The following CELF4 variants were observed in gnomAD, a reference collection of about 807,000 sequenced individuals.
CELF4 encodes the protein CUGBP Elav-like family member 4, also known as CUG-BP- and ETR-3-like factor 4.
In CELF4, 18 loss-of-function variants were observed where a neutral mutation model predicts 59.9. That is an observed-to-expected ratio of 0.30 (90% CI 0.21 to 0.45). CELF4 has a LOEUF of 0.45. Among genes scored for constraint, CELF4 ranks in the 20% least tolerant of loss-of-function variants. CELF4 has a pLI of 1.00. For synonymous variants in CELF4, 261 were observed against 267.1 expected (o/e 0.98, Z 0.22); for missense variants, 456 against 689.0 (o/e 0.66, Z 3.79).
intron 1 of CELF4, among the ~76,000 whole-genome samples, chr18:37,562,889 G>C (rs1215912355): frequency 6.6e-6 from 1 of 152,104 alleles, no homozygotes; most frequent in Non-Finnish European, 1.5e-5. Context: ...AAGTTTCACT[G>C]GGAAAAATAT....
At chr18:37,367,235 A>G (rs1038814275) in intron 2 of CELF4, among the ~76,000 whole-genome samples, 1 of 151,822 alleles carries the variant, frequency 6.6e-6, no homozygotes, top group Admixed American at 6.6e-5. Context: ...GTGTGACGAG[A>G]GAGTTGGAGA....
intron 12 of CELF4, among the ~76,000 whole-genome samples, chr18:37,248,163 C>T (rs1037877265): frequency 1.3e-5 from 2 of 152,312 alleles, no homozygotes; most frequent in East Asian, 3.9e-4. Context: ...GGCCCTCCCC[C>T]GTTTCTGCTC....
chr18:37,384,847 C>T (rs1363095890), intron 2 of CELF4, among the ~76,000 whole-genome samples: 1 of 152,188 alleles, frequency 6.6e-6, no homozygotes, highest in Non-Finnish European at 1.5e-5. Context: ...ACACAGGTCA[C>T]CCAGTGAGGT....
intron 2 of CELF4, among the ~76,000 whole-genome samples, chr18:37,331,654 C>A (rs551208911): frequency 6.6e-5 from 10 of 151,898 alleles, no homozygotes; most frequent in Non-Finnish European, 1.0e-4. Flanking sequence ...ATGCTCCAGA[C>A]CTTCTGTTGA....
At chr18:37,427,758 G>C (rs1487093541) in intron 2 of CELF4, among the ~76,000 whole-genome samples, 6 of 152,166 alleles carry the variant, frequency 3.9e-5, no homozygotes, top group Non-Finnish European at 7.3e-5. Context: ...CCTCCTCTCA[G>C]TGCTGCTGTT....
chr18:37,295,150 A>G (rs986690560), intron 3 of CELF4, among the ~76,000 whole-genome samples: 34 of 152,148 alleles, frequency 2.2e-4, no homozygotes, highest in African/African-American at 7.2e-4. Context: ...CCCTGAAAGC[A>G]CCAGTCCCTG....
intron 1 of CELF4, among the ~76,000 whole-genome samples, chr18:37,550,323 G>A (rs1046505748): frequency 1.3e-5 from 2 of 152,138 alleles, no homozygotes; most frequent in Admixed American, 1.3e-4. Flanking sequence ...AGTTTCATCA[G>A]GACAATCAGG....
chr18:37,298,055 G>A (rs2095771157), intron 3 of CELF4, among the ~76,000 whole-genome samples: 1 of 152,244 alleles, frequency 6.6e-6, no homozygotes, highest in African/African-American at 2.4e-5. Context: ...CAAGGGATCT[G>A]CTGGCCTCAG....
intron 3 of CELF4, among the ~76,000 whole-genome samples, chr18:37,278,080 C>A (rs1165039695): frequency 1.3e-5 from 2 of 152,140 alleles, no homozygotes; most frequent in East Asian, 3.9e-4. Flanking sequence ...TCCTTTTTTG[C>A]CGGTTTTGGG....
In CELF4 at chr18:37,243,381, A is replaced by T. The variant is rs1036084982; in HGVS notation, c.*1861T>A. On this transcript the variant is annotated 3_prime_UTR_variant, in exon 13 of 13. Transcript: ENST00000420428. Reference sequence around the variant, plus strand: ...AACCCCCGGCCTCCAGATGACCTGGACATCAATGAGAAGGAATCAAGGCAG... The same window carrying T: ...AACCCCCGGCCTCCAGATGACCTGGTCATCAATGAGAAGGAATCAAGGCAG... 6 of 152,288 alleles carry T rather than the reference A, an allele frequency of 3.9e-5. No homozygotes were observed. Among genetic ancestry groups the T allele is most frequent in the African/African-American group, 1.4e-4 (6 of 41,586 alleles). The allele number at this position is 152,288 out of a possible 1,614,324, so 9.4% of individuals were successfully genotyped here. A position where few individuals can be genotyped will look rare whatever the true frequency, so the allele number is the denominator to read the frequency against.
At chr18:37,320,727 C>G (rs1269102114) in intron 3 of CELF4, among the ~76,000 whole-genome samples, 1 of 152,172 alleles carries the variant, frequency 6.6e-6, no homozygotes, top group African/African-American at 2.4e-5. Context: ...GGGGATGAGG[C>G]TCAGTGTGAG....
intron 2 of CELF4, among the ~76,000 whole-genome samples, chr18:37,484,883 A>G (rs957012803): frequency 6.6e-6 from 1 of 152,152 alleles, no homozygotes; most frequent in Non-Finnish European, 1.5e-5. Flanking sequence ...CAGCAGCCGT[A>G]TATCTCTCCC....
At chr18:37,273,830 G>A (rs1257267233) in intron 6 of CELF4, 1 of 989,664 alleles carries the variant, frequency 1.0e-6, no homozygotes, top group Non-Finnish European at 1.2e-6. Flanking sequence ...GAAAGAAGTA[G>A]GTGGGCCAGA....
intron 2 of CELF4, among the ~76,000 whole-genome samples, chr18:37,387,616 G>C (rs1231559564): frequency 6.6e-6 from 1 of 152,196 alleles, no homozygotes. Context: ...GAGGACTCTG[G>C]TCTGGGGCTT....
In CELF4 at chr18:37,313,767, C is replaced by T. The variant is rs575202039; in HGVS notation, c.448+8036G>A. Among the ~76,000 whole-genome samples the T allele has an allele frequency of 3.3e-5, 5 of 152,196 alleles. No homozygotes were observed. The East Asian group carries it at 7.7e-4, about 23-fold the overall frequency. On this transcript the variant is annotated intron_variant, in intron 3 of 12. Coordinates refer to ENST00000420428, the MANE Select transcript of CELF4 (RefSeq NM_020180.4). ...ATAGGATTTTAAAAGCCGCAGGAAC[C>T]GATAGGGCTACAGATGGTGGAGGGG...
chr18:37,244,361 G>A lies in CELF4; in HGVS notation c.*881C>T, dbSNP rs1940749981. On this transcript the variant is annotated 3_prime_UTR_variant, in exon 13 of 13. Coordinates refer to ENST00000420428, the MANE Select transcript of CELF4 (RefSeq NM_020180.4). ...CCTCCTTGTTTTCTCACACTTCACGGGTGAGTTTTAAGATTTGTGTTGCTT... is the reference window on the plus strand; with the variant it reads ...CCTCCTTGTTTTCTCACACTTCACGAGTGAGTTTTAAGATTTGTGTTGCTT... 6.6e-6 allele frequency: 1 copy of A among 152,260 alleles called. No homozygotes were observed. Among genetic ancestry groups the A allele is most frequent in the Middle Eastern group, 3.4e-3 (1 of 294 alleles). The allele number at this position is 152,260 out of a possible 1,614,324, so 9.4% of individuals were successfully genotyped here. A position where few individuals can be genotyped will look rare whatever the true frequency, so the allele number is the denominator to read the frequency against.
At chr18:37,307,865 G>A (rs922473148) in intron 3 of CELF4, among the ~76,000 whole-genome samples, 1 of 152,306 alleles carries the variant, frequency 6.6e-6, no homozygotes, top group East Asian at 1.9e-4. Context: ...GTAGGGACCC[G>A]CTGGACAAAG....
chr18:37,550,357 G>C (rs886076209), intron 1 of CELF4, among the ~76,000 whole-genome samples: 38 of 152,122 alleles, frequency 2.5e-4, no homozygotes, highest in Admixed American at 7.2e-4. Flanking sequence ...AAAATCAGGG[G>C]AAATGAATAA....
intron 3 of CELF4, among the ~76,000 whole-genome samples, chr18:37,293,688 T>C (rs1381636437): frequency 1.3e-5 from 2 of 152,176 alleles, no homozygotes; most frequent in Admixed American, 6.5e-5. Context: ...TGAGGTGCAA[T>C]GACTTCCAGG....
Sources: allele counts gnomAD v4.1 joint callset (sites outside exome capture counted in the v4.1 genomes callset), GRCh38; gene constraint gnomAD v4.1.1; transcripts MANE v1.5; gene names NCBI Gene and HGNC (gene_info 2026-07-23, HGNC 2026-07-21).